Variants in GPA33 observed in about 807,000 individuals in gnomAD.
The protein encoded by GPA33 is glycoprotein A33.
In GPA33, 27 loss-of-function variants were observed where a neutral mutation model predicts 35.6. The observed-to-expected ratio is 0.76, with a 90% confidence interval of 0.56 to 1.04. The LOEUF (loss-of-function observed/expected upper bound fraction) is 1.04. Among genes scored for constraint, GPA33 ranks in the 50% least tolerant of loss-of-function variants. The probability of loss-of-function intolerance (pLI) is 0.00; values close to 1 mark genes in which losing one functional copy is unlikely to be tolerated. For missense variants in GPA33, 428 were observed against 411.9 expected (o/e 1.04, Z -0.34); for synonymous variants, 176 against 164.0 (o/e 1.07, Z -0.56).
In GPA33 at chr1:167,054,200, A is replaced by C; in HGVS notation, c.*134T>G. The C allele has an allele frequency of 8.5e-7, 1 of 1,173,092 alleles. No individual in the cohort carries two copies. Among genetic ancestry groups the C allele is most frequent in the Non-Finnish European group, 1.2e-6 (1 of 820,968 alleles). The allele number at this position is 1,173,092 out of a possible 1,614,324, so 72.7% of individuals were successfully genotyped here. On this transcript the variant is annotated 3_prime_UTR_variant, in exon 7 of 7. Transcript: ENST00000367868. ...GCCAGCCATGTTCCCCACAGCTGAC[A>C]CTGGGGAAGAAATGTCCCCATCAAT...
intron 1 of GPA33, among the ~76,000 whole-genome samples, chr1:167,085,570 G>A (rs1054490867): frequency 1.3e-5 from 2 of 152,150 alleles, no homozygotes; most frequent in African/African-American, 4.8e-5. Context: ...TCTGGTCCCT[G>A]GACCAGGAGT....
In GPA33 at chr1:167,054,987, C is replaced by T; in HGVS notation, c.816G>A (p.Glu272=). ...GCCCAGACACTCACGGCCTTGCATCCTCCTTGTCTTCAGTGTTGTCGTCCT... is the reference window on the plus strand; with the variant it reads ...GCCCAGACACTCACGGCCTTGCATCTTCCTTGTCTTCAGTGTTGTCGTCCT... ...RGKDDNTEDK[E]DARPNREAYE... The change falls in exon 6 of 7, where the codon GAG becomes GAA. Residue 272 remains glutamate, a synonymous_variant. Coordinates refer to ENST00000367868, the MANE Select transcript of GPA33 (RefSeq NM_005814.3). 6.2e-7 allele frequency: 1 copy of T among 1,614,084 alleles called. No individual in the cohort carries two copies. Among genetic ancestry groups the T allele is most frequent in the African/African-American group, 1.3e-5 (1 of 75,054 alleles).
chr1:167,086,170 G>A (rs1224475091), intron 1 of GPA33, among the ~76,000 whole-genome samples: 1 of 152,246 alleles, frequency 6.6e-6, no homozygotes, highest in Non-Finnish European at 1.5e-5. Context: ...CATTCCAGGT[G>A]CATGAGCTCT....
intron 2 of GPA33, among the ~76,000 whole-genome samples, chr1:167,073,053 A>G (rs1666751535): frequency 6.6e-6 from 1 of 152,182 alleles, no homozygotes; most frequent in African/African-American, 2.4e-5. Flanking sequence ...TCCCAAAAGA[A>G]TCCAAACAGG....
intron 3 of GPA33, among the ~76,000 whole-genome samples, chr1:167,067,603 ATACATATG>A (rs968054780): frequency 6.6e-6 from 1 of 152,164 alleles, no homozygotes; most frequent in Non-Finnish European, 1.5e-5. Flanking sequence ...GACCCCTAAC[ATACATATG>A]TACGTGTGTG....
rs1666766380 is a variant in GPA33 at position 167,073,663 on chromosome 1, G to A, written c.44-124C>T. 1.0e-5 allele frequency: 8 copies of A among 800,456 alleles called. No homozygotes were observed. The South Asian group carries it at 1.3e-4, about 13-fold the overall frequency. 49.6% of individuals were successfully genotyped at this position (800,456 alleles called of 1,614,324 possible). ...TCTTGCACCTCCAGCCACAGCTAGA[G>A]CCATCTTGGCCACCTTGGCCCTGGC... On this transcript the variant is annotated intron_variant, in intron 1 of 6. Transcript: ENST00000367868.
chr1:167,084,092 G>A (rs541478051), intron 1 of GPA33, among the ~76,000 whole-genome samples: 17 of 152,216 alleles, frequency 1.1e-4, no homozygotes, highest in Middle Eastern at 6.8e-3. Context: ...GGCGCTTATC[G>A]GCCATGACAA....
intron 5 of GPA33, among the ~76,000 whole-genome samples, 191 bp from the exon 6 acceptor site, chr1:167,055,302 T>C (rs1347084441): frequency 1.3e-5 from 2 of 152,204 alleles, no homozygotes; most frequent in Non-Finnish European, 2.9e-5. Context: ...TATGGTCCAC[T>C]TCACATCTTA....
chr1:167,066,971 G>C (rs573426297), intron 3 of GPA33, among the ~76,000 whole-genome samples: 7 of 152,350 alleles, frequency 4.6e-5, no homozygotes, highest in African/African-American at 1.7e-4. Context: ...GCCCCAGTGG[G>C]CTGGCTGCCT....
At chr1:167,063,150 G>A (rs911114643) in intron 4 of GPA33, among the ~76,000 whole-genome samples, 5 of 152,196 alleles carry the variant, frequency 3.3e-5, no homozygotes, top group East Asian at 1.9e-4. Context: ...AGTGCTGGCC[G>A]GGCGCGATGG....
rs72691503 is a variant in GPA33, at chr1:167,077,911, T to C, written c.44-4372A>G. ...TTTCCCTATTTTACTGGTGACATAA[T>C]TGAGGTTCCAAAAGGTTAAACCCTT... On this transcript the variant is annotated intron_variant, in intron 1 of 6. Coordinates refer to ENST00000367868, the MANE Select transcript of GPA33 (RefSeq NM_005814.3). Among the ~76,000 whole-genome samples, 901 of 152,378 alleles carry C rather than the reference T, an allele frequency of 5.9e-3. 7 individuals carry two copies. The highest frequency in any genetic ancestry group is 0.02 in the Middle Eastern group (6 of 294).
chr1:167,067,361 TA>T (rs1666622429), intron 3 of GPA33, among the ~76,000 whole-genome samples: 1 of 152,094 alleles, frequency 6.6e-6, no homozygotes, highest in Non-Finnish European at 1.5e-5. Context: ...CTCGGCCTCC[TA>T]AAGTGCTGGG....
chr1:167,089,512 CA>C (rs1393184305), intron 1 of GPA33, among the ~76,000 whole-genome samples: 2 of 152,196 alleles, frequency 1.3e-5, no homozygotes, highest in Non-Finnish European at 1.5e-5. Flanking sequence ...CAATGCCCAG[CA>C]AAATGGTTGG....
At chr1:167,056,069 T>C (rs1666243041) in intron 4 of GPA33, among the ~76,000 whole-genome samples, 1 of 152,256 alleles carries the variant, frequency 6.6e-6, no homozygotes, top group East Asian at 1.9e-4. Flanking sequence ...GTTTGACACC[T>C]GGCTCTGCCA....
intron 3 of GPA33, among the ~76,000 whole-genome samples, chr1:167,064,557 AG>A (rs1205282380): frequency 1.6e-4 from 25 of 152,206 alleles, no homozygotes; most frequent in African/African-American, 6.0e-4. Context: ...TGTTCTGTAA[AG>A]GGCCAGGTGG....
chr1:167,062,035 G>A (rs1666463828), intron 4 of GPA33, among the ~76,000 whole-genome samples: 1 of 152,016 alleles, frequency 6.6e-6, no homozygotes, highest in South Asian at 2.1e-4. Flanking sequence ...CATCTTCTCA[G>A]AAGAGCTGTG....
intron 1 of GPA33, among the ~76,000 whole-genome samples, chr1:167,073,944 C>T (rs1666773589): frequency 6.6e-6 from 1 of 152,006 alleles, no homozygotes; most frequent in South Asian, 2.1e-4. Flanking sequence ...ATAGAAAACT[C>T]TCAATAAACA....
intron 5 of GPA33, among the ~76,000 whole-genome samples, chr1:167,055,479 C>T (rs766710817): frequency 6.6e-6 from 1 of 152,146 alleles, no homozygotes; most frequent in Non-Finnish European, 1.5e-5. Flanking sequence ...GCAGGTGGGA[C>T]TGACAAAGCC....
intron 4 of GPA33, among the ~76,000 whole-genome samples, chr1:167,056,758 CGTGTGTGTG>C (rs1666296076): frequency 2.5e-4 from 1 of 3,954 alleles, no homozygotes; most frequent in Non-Finnish European, 5.0e-4. Context: ...GTGTGTATGG[CGTGTGTGTG>C]GTGTGTGTGG....
Sources: allele counts gnomAD v4.1 joint callset (sites outside exome capture counted in the v4.1 genomes callset), GRCh38; gene constraint gnomAD v4.1.1; transcripts MANE v1.5; gene names NCBI Gene and HGNC (gene_info 2026-07-23, HGNC 2026-07-21).